PLEKHG2: variants seen among roughly 807,000 people sequenced by gnomAD.
The protein encoded by PLEKHG2 is pleckstrin homology domain-containing family G member 2.
In PLEKHG2, 71 loss-of-function variants were observed where a neutral mutation model predicts 104.4. The ratio of observed to expected loss-of-function variants is 0.68; its 90% CI spans 0.56 to 0.83. PLEKHG2 has a LOEUF of 0.83. PLEKHG2 is among the 40% of genes least tolerant of loss of function. The pLI, the probability that PLEKHG2 is intolerant of heterozygous loss-of-function variation, is 0.00. For missense variants in PLEKHG2, 1,730 were observed against 1,809.4 expected, an observed-to-expected ratio of 0.96 and a Z score of 0.80; for synonymous variants, 728 against 737.0, an observed-to-expected ratio of 0.99 and a Z score of 0.20.
chr19:39,422,845 G>A lies in PLEKHG2; in HGVS notation c.1791G>A (p.Glu597=), dbSNP rs1178079524. Reference sequence around the variant, plus strand: ...GGGACTCTTCAGAAGAGGAGGAGGAGGAAGAGGAAGGGCTGGAGATGGATG... The same window carrying A: ...GGGACTCTTCAGAAGAGGAGGAGGAAGAAGAGGAAGGGCTGGAGATGGATG... ...PSRDSSEEEE[E]EEEGLEMDER... The change falls in exon 18 of 19, where the codon GAG becomes GAA. Residue 597 remains glutamate (E), a synonymous_variant. Transcript: ENST00000425673. 8 of 1,566,764 alleles carry A rather than the reference G, an allele frequency of 5.1e-6. No individual in the cohort carries two copies. Among genetic ancestry groups the A allele is most frequent in the Non-Finnish European group, 6.9e-6 (8 of 1,154,944 alleles).
chr19:39,422,536 C>A (rs1419698550), intron 17 of PLEKHG2, among the ~76,000 whole-genome samples, 196 bp from the exon 18 acceptor site: 2 of 151,976 alleles, frequency 1.3e-5, no homozygotes, highest in Non-Finnish European at 2.9e-5. Context: ...CGCCAACACA[C>A]CCGGCTAATT....
At position 39,413,984 on chromosome 19, in the gene PLEKHG2, A is replaced by G; in HGVS notation, c.-22-81A>G. ...CTCCCTGGATTTACACCACGCTCCT[A>G]ATTCCCAGCCCCCATCTGTGAGTCT... On this transcript the variant is annotated intron_variant, in intron 1 of 18. Coordinates refer to ENST00000425673, the MANE Select transcript of PLEKHG2 (RefSeq NM_022835.3). This position sits in a 1 kb window ranked among gnomAD's most constrained non-coding sequence, Gnocchi z 4.5. 1.0e-6 allele frequency: 1 copy of G among 964,468 alleles called. No individual in the cohort carries two copies. The allele number at this position is 964,468 out of a possible 1,614,324, so 59.7% of individuals were successfully genotyped here. A position where few individuals can be genotyped will look rare whatever the true frequency, so the allele number is the denominator to read the frequency against.
At position 39,416,487 on chromosome 19, in the gene PLEKHG2, G is replaced by C. The variant is rs1285970789; in HGVS notation, c.547-64G>C. On this transcript the variant is annotated intron_variant, in intron 5 of 18. Transcript: ENST00000425673. The surrounding 1 kb of genome is among the most constrained non-coding windows in gnomAD (Gnocchi z 4.5). ...GAGGGGGGAGAGCAGGCTTGGGCTAGGCTGGAAGGGGGGTCGTGGGAAGCC... is the reference window on the plus strand; with the variant it reads ...GAGGGGGGAGAGCAGGCTTGGGCTACGCTGGAAGGGGGGTCGTGGGAAGCC... The C allele has an allele frequency of 5.0e-6, 8 of 1,612,538 alleles. No individual in the cohort carries two copies. The East Asian group carries it at 1.8e-4, about 36-fold the overall frequency.
intron 15 of PLEKHG2, 63 bp from the exon 16 acceptor site, chr19:39,421,220 G>T: frequency 1.9e-6 from 3 of 1,612,386 alleles, no homozygotes; most frequent in Non-Finnish European, 2.5e-6. Flanking sequence ...AGTTATGGGG[G>T]AATCACTCTT....
At position 39,416,772 on chromosome 19, in the gene PLEKHG2, A is replaced by T; in HGVS notation, c.594-78A>T. On this transcript the variant is annotated intron_variant, in intron 6 of 18. Transcript: ENST00000425673. This position sits in a 1 kb window ranked among gnomAD's most constrained non-coding sequence, Gnocchi z 4.5. Reference sequence around the variant, plus strand: ...CCTGTCAGACCCTGACCCTTCCCAAACCCTGGCCCCTCCCTAACCCCTCTT... The same window carrying T: ...CCTGTCAGACCCTGACCCTTCCCAATCCCTGGCCCCTCCCTAACCCCTCTT... 4.0e-6 allele frequency: 6 copies of T among 1,516,826 alleles called. No individual in the cohort carries two copies. The highest frequency in any genetic ancestry group is 5.3e-6 in the Non-Finnish European group (6 of 1,123,616). 94.0% of individuals were successfully genotyped at this position (1,516,826 alleles called of 1,614,324 possible).
chr19:39,422,815 C>T lies in PLEKHG2; in HGVS notation c.1761C>T (p.Pro587=). 2 of 1,542,420 alleles carry T rather than the reference C, an allele frequency of 1.3e-6. No homozygotes were observed. Among genetic ancestry groups the T allele is most frequent in the Non-Finnish European group, 8.7e-7 (1 of 1,145,566 alleles). ...AAACCCTCACATTCCAAGCCCTGCCCAGCCGGGACTCTTCAGAAGAGGAGG... is the reference window on the plus strand; with the variant it reads ...AAACCCTCACATTCCAAGCCCTGCCTAGCCGGGACTCTTCAGAAGAGGAGG... ...DSETLTFQAL[P]SRDSSEEEEE... The change falls in exon 18 of 19, where the codon CCC becomes CCT. Residue 587 remains proline (P), a synonymous_variant. Coordinates refer to ENST00000425673, the MANE Select transcript of PLEKHG2 (RefSeq NM_022835.3).
At position 39,423,965 on chromosome 19, in the gene PLEKHG2, C is replaced by G; in HGVS notation, c.2832C>G (p.Ser944=). The G allele has an allele frequency of 6.2e-7, 1 of 1,614,178 alleles. No individual in the cohort carries two copies. Among genetic ancestry groups the G allele is most frequent in the Non-Finnish European group, 8.5e-7 (1 of 1,180,024 alleles). The change falls in exon 19 of 19, where the codon TCC becomes TCG. Residue 944 remains serine (S), a synonymous_variant. Transcript: ENST00000425673. ...CCCTTTTGCCTGAGCAAGGAGGTTC[C>G]CGGCATGTCCAGGCTCCAGCCGCCA... is the stretch of plus-strand genomic sequence containing the variant. ...AATLLPEQGG[S]RHVQAPAATP... is the part of the protein sequence containing the mutation.
chr19:39,414,877 C>A, intron 2 of PLEKHG2, 115 bp from the exon 3 acceptor site: 1 of 1,219,448 alleles, frequency 8.2e-7, no homozygotes, highest in Non-Finnish European at 1.1e-6. Context: ...GAGGAAGGAG[C>A]CTGTGGGAAA....
rs191662882 is a variant in PLEKHG2, at chr19:39,415,277, C to T, written c.378+17C>T. 425 of 1,601,124 alleles carry T rather than the reference C, an allele frequency of 2.7e-4. No homozygotes were observed. In the East Asian group the frequency reaches 8.8e-3, roughly 33 times the overall value. ...ATCGTGGAGGTAAGGCGGGCAGACA[C>T]CAGAGGGCAGTGGGTACCCAGGCCA... is the stretch of plus-strand genomic sequence containing the variant. On this transcript the variant is annotated intron_variant, in intron 3 of 18. Coordinates refer to ENST00000425673, the MANE Select transcript of PLEKHG2 (RefSeq NM_022835.3). This position sits in a 1 kb window ranked among gnomAD's most constrained non-coding sequence, Gnocchi z 4.6.
Position 39,415,108 on chromosome 19 carries a change from A to G in PLEKHG2, c.226A>G (p.Arg76Gly). Residue 76 changes from arginine to glycine, a missense_variant, in exon 3 of 19, where the codon AGG (arginine) becomes GGG (glycine). Coordinates refer to ENST00000425673, the MANE Select transcript of PLEKHG2 (RefSeq NM_022835.3). The surrounding 1 kb of genome is among the most constrained non-coding windows in gnomAD (Gnocchi z 4.6). ...PGPTPACSASRPEPLPGPPIR... is the reference protein window; with the variant it reads ...PGPTPACSASGPEPLPGPPIR... ...GCCCACTCCAGCCTGCTCAGCCTCC[A>G]GGCCAGAGCCCCTTCCAGGGCCTCC... 6.3e-7 allele frequency: 1 copy of G among 1,596,286 alleles called. No homozygotes were observed. Among genetic ancestry groups the G allele is most frequent in the Non-Finnish European group, 8.5e-7 (1 of 1,171,414 alleles).
At chr19:39,419,085 A>G (rs747654131) in intron 11 of PLEKHG2, 82 bp downstream of exon 11, 40 of 1,256,826 alleles carry the variant, frequency 3.2e-5, no homozygotes, top group Non-Finnish European at 4.2e-5. Flanking sequence ...CCCCTGCCCA[A>G]TGCCAGAGCA....
In PLEKHG2 at chr19:39,415,287, G is replaced by T. The variant is rs781404722; in HGVS notation, c.378+27G>T. 7 of 1,604,564 alleles carry T rather than the reference G, an allele frequency of 4.4e-6. No homozygotes were observed. In the South Asian group the frequency reaches 7.8e-5, roughly 18 times the overall value. Reference sequence around the variant, plus strand: ...TAAGGCGGGCAGACACCAGAGGGCAGTGGGTACCCAGGCCAGCCCCTTGGC... The same window carrying T: ...TAAGGCGGGCAGACACCAGAGGGCATTGGGTACCCAGGCCAGCCCCTTGGC... On this transcript the variant is annotated intron_variant, in intron 3 of 18. Transcript: ENST00000425673. The surrounding 1 kb of genome is among the most constrained non-coding windows in gnomAD (Gnocchi z 4.6).
intron 8 of PLEKHG2, 34 bp downstream of exon 8, chr19:39,417,726 A>AGG: frequency 1.5e-6 from 1 of 669,192 alleles, no homozygotes; most frequent in African/African-American, 3.1e-5. Flanking sequence ...TTGCTGGATG[A>AGG]GGGAGTGAGC....
In PLEKHG2 at chr19:39,424,273, G is replaced by A. The variant is rs984885983; in HGVS notation, c.3140G>A (p.Ser1047Asn). The change falls in exon 19 of 19, where the codon AGC (serine) becomes AAC (asparagine). Residue 1047 changes from serine to asparagine, a missense_variant. Coordinates refer to ENST00000425673, the MANE Select transcript of PLEKHG2 (RefSeq NM_022835.3). ...CCCAAGCAAGAAGGTCACCTAGACA[G>A]CGAGAGCCCAACCAATATCCCACTG... is the stretch of plus-strand genomic sequence containing the variant. ...PVPKQEGHLD[S>N]ESPTNIPLTK... 1.9e-6 allele frequency: 3 copies of A among 1,614,054 alleles called. No homozygotes were observed. Among genetic ancestry groups the A allele is most frequent in the Admixed American group, 1.7e-5 (1 of 59,990 alleles).
chr19:39,416,772 A>G lies in PLEKHG2; in HGVS notation c.594-78A>G, dbSNP rs2078611380. ...CCTGTCAGACCCTGACCCTTCCCAAACCCTGGCCCCTCCCTAACCCCTCTT... is the reference window on the plus strand; with the variant it reads ...CCTGTCAGACCCTGACCCTTCCCAAGCCCTGGCCCCTCCCTAACCCCTCTT... On this transcript the variant is annotated intron_variant, in intron 6 of 18. Transcript: ENST00000425673. This position sits in a 1 kb window ranked among gnomAD's most constrained non-coding sequence, Gnocchi z 4.5. 1 of 1,516,826 alleles carries G rather than the reference A, an allele frequency of 6.6e-7. No homozygotes were observed. The highest frequency in any genetic ancestry group is 8.9e-7 in the Non-Finnish European group (1 of 1,123,616). 94.0% of individuals were successfully genotyped at this position (1,516,826 alleles called of 1,614,324 possible). A position where few individuals can be genotyped will look rare whatever the true frequency, so the allele number is the denominator to read the frequency against.
In PLEKHG2 at chr19:39,424,891, C is replaced by A; in HGVS notation, c.3758C>A (p.Ser1253Tyr). 5 of 1,614,212 alleles carry A rather than the reference C, an allele frequency of 3.1e-6. No homozygotes were observed. The highest frequency in any genetic ancestry group is 4.2e-6 in the Non-Finnish European group (5 of 1,180,052). ...SLASHVARLE[S>Y]SDLTPPHSPP... ...GCCTCTCACGTTGCCAGGTTGGAGTCTTCAGACTTGACGCCACCTCATAGT... is the reference window on the plus strand; with the variant it reads ...GCCTCTCACGTTGCCAGGTTGGAGTATTCAGACTTGACGCCACCTCATAGT... The change falls in exon 19 of 19, where the codon TCT becomes TAT. Residue 1253 changes from serine (S) to tyrosine (Y), a missense_variant. Transcript: ENST00000425673.
At position 39,421,269 on chromosome 19, in the gene PLEKHG2, C is replaced by G. The variant is rs752150255; in HGVS notation, c.1487-14C>G. On this transcript the variant is annotated splice_polypyrimidine_tract_variant and intron_variant, in intron 15 of 18. Transcript: ENST00000425673. ...TCACTAATGCTTCTCTCTCTCTCAT[C>G]TCTCCATCCTTAGCTAAGCCTGGAT... 1 of 1,613,836 alleles carries G rather than the reference C, an allele frequency of 6.2e-7. No individual in the cohort carries two copies. The highest frequency in any genetic ancestry group is 1.1e-5 in the South Asian group (1 of 91,076).
At position 39,422,361 on chromosome 19, in the gene PLEKHG2, C is replaced by T. The variant is rs540058422; in HGVS notation, c.1677+73C>T. On this transcript the variant is annotated intron_variant, in intron 17 of 18. Coordinates refer to ENST00000425673, the MANE Select transcript of PLEKHG2 (RefSeq NM_022835.3). ...CACACAGACCAGGGACCAGATAGGC[C>T]AGCCCATGCTGATACCTTTATTTTT... 175 of 1,470,826 alleles carry T rather than the reference C, an allele frequency of 1.2e-4. No homozygotes were observed. In the South Asian group the frequency reaches 2.0e-3, roughly 17 times the overall value. 91.1% of individuals were successfully genotyped at this position (1,470,826 alleles called of 1,614,324 possible).
chr19:39,424,641 C>G lies in PLEKHG2; in HGVS notation c.3508C>G (p.Pro1170Ala). 15 of 1,614,158 alleles carry G rather than the reference C, an allele frequency of 9.3e-6. No individual in the cohort carries two copies. Among genetic ancestry groups the G allele is most frequent in the Non-Finnish European group, 1.3e-5 (15 of 1,180,034 alleles). Residue 1170 changes from proline to alanine, a missense_variant, in exon 19 of 19, where the codon CCA (proline) becomes GCA (alanine). Pro to Ala is a conservative substitution (Grantham distance 27). Transcript: ENST00000425673. Reference protein sequence around the residue: ...LPTSPKQGSLPDIQGPAAAPP... With the variant: ...LPTSPKQGSLADIQGPAAAPP... ...AACTTCACCCAAGCAGGGAAGCCTC[C>G]CAGACATCCAGGGTCCAGCGGCTGC...
Sources: allele counts gnomAD v4.1 joint callset (sites outside exome capture counted in the v4.1 genomes callset), GRCh38; gene constraint gnomAD v4.1.1; non-coding constraint Gnocchi (gnomAD v3.1); transcripts MANE v1.5; gene names NCBI Gene and HGNC (gene_info 2026-07-23, HGNC 2026-07-21).